MGAM: variants seen among roughly 807,000 people sequenced by gnomAD.
MGAM encodes alpha-1,4-glucosidase.
Under a neutral mutation model 358.8 loss-of-function variants are expected in MGAM, and 253 were observed. That is an observed-to-expected ratio of 0.71 (90% CI 0.64 to 0.78). The LOEUF is 0.78. Among genes scored for constraint, MGAM ranks in the 30% least tolerant of loss-of-function variants. The pLI, the probability that MGAM is intolerant of heterozygous loss-of-function variation, is 0.00. For missense variants in MGAM, 3,080 were observed against 3,432.6 expected, an observed-to-expected ratio of 0.90 and a Z score of 2.57; for synonymous variants, 1,105 against 1,227.1, an observed-to-expected ratio of 0.90 and a Z score of 2.08.
intron 19 of MGAM, among the ~76,000 whole-genome samples, chr7:142,039,141 T>A (rs1460404670): frequency 6.8e-6 from 1 of 146,132 alleles, no homozygotes; most frequent in Non-Finnish European, 1.5e-5. Context: ...AGTCTCACTC[T>A]GTCACCCAGG....
At chr7:142,105,100 T>C in intron 70 of MGAM, among the ~76,000 whole-genome samples, 1 of 152,060 alleles carries the variant, frequency 6.6e-6, no homozygotes, top group East Asian at 1.9e-4. Flanking sequence ...TGAAAGCTTC[T>C]TGACAGCATC....
intron 59 of MGAM, among the ~76,000 whole-genome samples, chr7:142,093,056 A>T (rs1446130479): frequency 2.0e-5 from 3 of 146,498 alleles, no homozygotes; most frequent in Non-Finnish European, 3.1e-5. Context: ...AGATTATGCG[A>T]TATGTCCAAA....
chr7:142,076,695 A>G lies in MGAM; in HGVS notation c.5362A>G (p.Lys1788Glu), dbSNP rs1813775576. The G allele has an allele frequency of 3.9e-6, 6 of 1,551,748 alleles. No homozygotes were observed. Among genetic ancestry groups the G allele is most frequent in the African/African-American group, 2.7e-5 (2 of 74,656 alleles). The change falls in exon 47 of 71, where the codon AAG becomes GAG. Residue 1788 changes from lysine (K) to glutamate (E), a missense_variant. This residue lies in a region of MGAM where 932 missense variants were observed against 1,198.2 expected (regional missense o/e 0.78). Transcript: ENST00000475668. ...LEVTISQSTY[K>E]DPNNLAFNEI... ...GGTGACTATTTCACAATCAACCTAC[A>G]AGGACCCCAATAATTTAGCATTCAA...
Position 142,090,502 on chromosome 7 carries a change from G to C in MGAM, c.6811-1411G>C, listed in dbSNP as rs138431189. Among the ~76,000 whole-genome samples, 110 of 145,832 alleles carry C rather than the reference G, an allele frequency of 7.5e-4. 11 individuals are homozygous for C. In the Middle Eastern group the frequency reaches 0.014, roughly 19 times the overall value. ...ATGCCCACTTCTGTCAAGATTCTCCGTGATGTGACCCACTGTCTTCTCACA... is the reference window on the plus strand; with the variant it reads ...ATGCCCACTTCTGTCAAGATTCTCCCTGATGTGACCCACTGTCTTCTCACA... On this transcript the variant is annotated intron_variant, in intron 57 of 70. Coordinates refer to ENST00000475668, the MANE Select transcript of MGAM (RefSeq NM_001365693.1).
chr7:142,005,689 G>C, intron 2 of MGAM, 32 bp downstream of exon 2: 10 of 1,584,256 alleles, frequency 6.3e-6, no homozygotes, highest in Non-Finnish European at 8.6e-6. Flanking sequence ...CTCTCCATAT[G>C]TTGTTTTTAT....
chr7:142,006,367 G>A (rs1263025358), intron 2 of MGAM, among the ~76,000 whole-genome samples: 3 of 152,232 alleles, frequency 2.0e-5, no homozygotes, highest in East Asian at 3.9e-4. Context: ...AGGACTCTCC[G>A]TGAAGCTTTC....
At chr7:142,048,622 A>G (rs1208908430) in intron 22 of MGAM, among the ~76,000 whole-genome samples, 1 of 149,300 alleles carries the variant, frequency 6.7e-6, no homozygotes, top group Non-Finnish European at 1.5e-5. Flanking sequence ...ATATTTGTGG[A>G]TCCAGTATAC....
chr7:142,053,545 G>A (rs1335414871), intron 26 of MGAM, among the ~76,000 whole-genome samples: 2 of 152,132 alleles, frequency 1.3e-5, no homozygotes, highest in East Asian at 3.9e-4. Flanking sequence ...CCATCAATAT[G>A]CAGTAATTTC....
At chr7:142,024,099 G>A (rs1554460036) in intron 7 of MGAM, among the ~76,000 whole-genome samples, 1 of 151,904 alleles carries the variant, frequency 6.6e-6, no homozygotes, top group African/African-American at 2.4e-5. Context: ...GGTGGTGGCG[G>A]GTGCCTGTAG....
chr7:142,023,303 A>G (rs1410418107), intron 7 of MGAM, among the ~76,000 whole-genome samples: 1 of 151,956 alleles, frequency 6.6e-6, no homozygotes, highest in African/African-American at 2.4e-5. Context: ...GACTCAAGCA[A>G]TCCTCTGGCC....
chr7:142,103,523 A>G (rs1585121460), intron 70 of MGAM, 84 bp downstream of exon 70: 3 of 1,303,304 alleles, frequency 2.3e-6, no homozygotes, highest in East Asian at 5.4e-5. Flanking sequence ...CTTCCAAATG[A>G]TGCCCTCTCC....
chr7:142,044,585 G>A (rs1195536405), intron 21 of MGAM, among the ~76,000 whole-genome samples: 84 of 127,864 alleles, frequency 6.6e-4, no homozygotes, highest in African/African-American at 2.3e-3. Context: ...GATATATAAT[G>A]TATATTATAT....
At chr7:142,020,833 C>A in intron 4 of MGAM, 141 bp from the exon 5 acceptor site, 1 of 638,134 alleles carries the variant, frequency 1.6e-6, no homozygotes, top group South Asian at 1.8e-5. Flanking sequence ...ACCTTGTGAT[C>A]CACCTGCCTT....
chr7:142,028,403 A>G (rs71545350), intron 10 of MGAM, among the ~76,000 whole-genome samples: 76 of 152,308 alleles, frequency 5.0e-4, no homozygotes, highest in Non-Finnish European at 8.1e-4. Flanking sequence ...AACTAATTAT[A>G]TTGCTAGAAC....
chr7:142,049,320 TAAATG>T (rs1810712982), intron 22 of MGAM, among the ~76,000 whole-genome samples: 1 of 152,212 alleles, frequency 6.6e-6, no homozygotes, highest in Non-Finnish European at 1.5e-5. Context: ...ATTAAAAACT[TAAATG>T]TAAGGGTTGA....
intron 37 of MGAM, among the ~76,000 whole-genome samples, chr7:142,065,006 G>A (rs937829890): frequency 1.1e-4 from 16 of 152,120 alleles, no homozygotes; most frequent in Non-Finnish European, 2.1e-4. Flanking sequence ...TCTTCTAAGA[G>A]GATCTTATAA....
At chr7:142,049,108 GT>G (rs2129029292) in intron 22 of MGAM, among the ~76,000 whole-genome samples, 3 of 152,268 alleles carry the variant, frequency 2.0e-5, no homozygotes, top group African/African-American at 7.2e-5. Flanking sequence ...AGACCATGCA[GT>G]ACTTGACTTT....
intron 49 of MGAM, among the ~76,000 whole-genome samples, chr7:142,079,819 G>A (rs1321904208): frequency 6.8e-6 from 1 of 146,122 alleles, no homozygotes; most frequent in South Asian, 2.2e-4. Context: ...ACATCAACCC[G>A]AATTCTGAGT....
At chr7:142,005,809 C>T (rs910733289) in intron 2 of MGAM, among the ~76,000 whole-genome samples, 152 bp downstream of exon 2, 6 of 151,830 alleles carry the variant, frequency 4.0e-5, no homozygotes, top group African/African-American at 1.5e-4. Flanking sequence ...TTGGACAGCT[C>T]AGTAGATATT....
Sources: allele counts gnomAD v4.1 joint callset (sites outside exome capture counted in the v4.1 genomes callset), GRCh38; gene constraint gnomAD v4.1.1; regional missense constraint gnomAD v4.1.1; transcripts MANE v1.5; gene names NCBI Gene and HGNC (gene_info 2026-07-23, HGNC 2026-07-21).